Variants in CEP112 observed in about 807,000 individuals in gnomAD.
CEP112 encodes centrosomal protein 112.
CEP112 carries 127 observed loss-of-function variants against 153.0 expected under a neutral mutation model. The ratio of observed to expected loss-of-function variants is 0.83; its 90% CI spans 0.72 to 0.96. CEP112 has a LOEUF of 0.96. Among genes scored for constraint, CEP112 ranks in the 40% least tolerant of loss-of-function variants. The pLI, the probability that CEP112 is intolerant of heterozygous loss-of-function variation, is 0.00. For synonymous variants in CEP112, 358 were observed against 374.4 expected (o/e 0.96, Z 0.51); for missense variants, 1,089 against 1,101.2 (o/e 0.99, Z 0.16).
chr17:65,904,163 T>C (rs566495545), intron 19 of CEP112, among the ~76,000 whole-genome samples: 243 of 152,292 alleles, frequency 1.6e-3, no homozygotes, highest in African/African-American at 5.6e-3. Flanking sequence ...AGTCAAATTG[T>C]CTCTGTTTGC....
intron 18 of CEP112, among the ~76,000 whole-genome samples, chr17:65,932,717 G>T (rs12453121): frequency 0.48 from 72,480 of 151,614 alleles, 18,281 homozygotes; most frequent in East Asian, 0.89. Flanking sequence ...TGCCACACAC[G>T]TTTAACAACC....
Position 65,635,978 on chromosome 17 carries a change from T to C in CEP112, c.2865-4A>G. The C allele has an allele frequency of 6.2e-7, 1 of 1,600,364 alleles. No homozygotes were observed. The highest frequency in any genetic ancestry group is 8.5e-7 in the Non-Finnish European group (1 of 1,171,938). ...TTGCATTCTCTCGTGCAGTTACCTGTAAACCAAAAATCGCAGTCACGACTT... is the reference window on the plus strand; with the variant it reads ...TTGCATTCTCTCGTGCAGTTACCTGCAAACCAAAAATCGCAGTCACGACTT... On this transcript the variant is annotated splice_polypyrimidine_tract_variant and splice_region_variant and intron_variant, in intron 26 of 26. Coordinates refer to ENST00000535342, the MANE Select transcript of CEP112 (RefSeq NM_001199165.4).
chr17:66,123,406 G>A (rs1428778319), intron 6 of CEP112, among the ~76,000 whole-genome samples: 1 of 152,202 alleles, frequency 6.6e-6, no homozygotes, highest in Non-Finnish European at 1.5e-5. Context: ...ACTGGGAATG[G>A]AATTTCTGTG....
At chr17:65,797,816 T>G (rs1464597697) in intron 21 of CEP112, among the ~76,000 whole-genome samples, 3 of 152,214 alleles carry the variant, frequency 2.0e-5, no homozygotes, top group Non-Finnish European at 4.4e-5. Context: ...ACCTCTTCTA[T>G]CCACTTGTGA....
At chr17:65,750,515 T>C (rs1462234546) in intron 22 of CEP112, 147 bp downstream of exon 22, 2 of 639,958 alleles carry the variant, frequency 3.1e-6, no homozygotes, top group African/African-American at 1.8e-5. Context: ...CCATATTGTT[T>C]ATTTGTATAC....
At chr17:65,650,060 T>C (rs1028702275) in intron 24 of CEP112, among the ~76,000 whole-genome samples, 2 of 152,258 alleles carry the variant, frequency 1.3e-5, no homozygotes, top group African/African-American at 4.8e-5. Context: ...GAGAGTCACC[T>C]GGCCTCTGGA....
chr17:66,015,717 G>A (rs546916216), intron 16 of CEP112, among the ~76,000 whole-genome samples: 4 of 152,254 alleles, frequency 2.6e-5, no homozygotes, highest in Admixed American at 1.3e-4. Flanking sequence ...TCTTTGTACT[G>A]TAATTCAAAC....
chr17:65,640,836 C>A, intron 25 of CEP112, 128 bp downstream of exon 25: 1 of 606,466 alleles, frequency 1.6e-6, no homozygotes, highest in African/African-American at 1.9e-5. Flanking sequence ...GAAAATTTAT[C>A]CTGAGTAGTA....
intron 12 of CEP112, among the ~76,000 whole-genome samples, chr17:66,046,243 T>C (rs4531767): frequency 0.65 from 97,947 of 151,802 alleles, 32,545 homozygotes; most frequent in East Asian, 0.96. Context: ...GGGGTTTCAC[T>C]GTATTAGCCA....
At chr17:65,721,503 T>A (rs1454509649) in intron 23 of CEP112, among the ~76,000 whole-genome samples, 1 of 152,196 alleles carries the variant, frequency 6.6e-6, no homozygotes, top group Non-Finnish European at 1.5e-5. Flanking sequence ...TGTGCTGGTA[T>A]CCTTCCAAAA....
chr17:65,705,455 C>T (rs946690046), intron 23 of CEP112, among the ~76,000 whole-genome samples: 4 of 152,116 alleles, frequency 2.6e-5, no homozygotes, highest in South Asian at 2.1e-4. Context: ...TTAGAAGGTA[C>T]AGAGTTGGGT....
chr17:65,846,076 C>T (rs939119499), intron 21 of CEP112, among the ~76,000 whole-genome samples: 1 of 152,200 alleles, frequency 6.6e-6, no homozygotes, highest in Non-Finnish European at 1.5e-5. Flanking sequence ...CTTTGAACCT[C>T]AACTTTATAC....
At chr17:65,805,203 C>A (rs1173418899) in intron 21 of CEP112, among the ~76,000 whole-genome samples, 8 of 152,120 alleles carry the variant, frequency 5.3e-5, no homozygotes, top group African/African-American at 1.4e-4. Flanking sequence ...TTAACATCAT[C>A]ATTTTCATGT....
intron 11 of CEP112, among the ~76,000 whole-genome samples, chr17:66,061,994 T>A (rs1291014259): frequency 6.6e-6 from 1 of 150,940 alleles, no homozygotes; most frequent in African/African-American, 2.4e-5. Context: ...TGAGTTCTCA[T>A]GAGATCCGAT....
intron 6 of CEP112, among the ~76,000 whole-genome samples, chr17:66,111,093 CAT>C (rs1297898588): frequency 2.0e-5 from 3 of 151,960 alleles, no homozygotes; most frequent in Non-Finnish European, 4.4e-5. Context: ...GGCCAACAAG[CAT>C]ACGGAAAAAA....
At chr17:66,070,261 C>T (rs1375119388) in intron 8 of CEP112, among the ~76,000 whole-genome samples, 1 of 152,120 alleles carries the variant, frequency 6.6e-6, no homozygotes. Context: ...AGATTCACTA[C>T]TCTCCCCATT....
intron 20 of CEP112, 138 bp downstream of exon 20, chr17:65,902,014 C>CA (rs201190696): frequency 0.14 from 14,092 of 97,830 alleles, 1,000 homozygotes; most frequent in African/African-American, 0.24. Context: ...GGGAGAAAAA[C>CA]AAAAAAAAAA....
At chr17:66,030,364 T>C (rs1397288970) in intron 12 of CEP112, among the ~76,000 whole-genome samples, 1 of 152,240 alleles carries the variant, frequency 6.6e-6, no homozygotes, top group South Asian at 2.1e-4. Flanking sequence ...TGCCTCTTTA[T>C]ACGTACGGCC....
intron 18 of CEP112, among the ~76,000 whole-genome samples, chr17:65,952,523 A>G (rs975305948): frequency 1.3e-5 from 2 of 152,012 alleles, no homozygotes; most frequent in Admixed American, 6.6e-5. Flanking sequence ...CTTCTGAGGA[A>G]TATTTTGGTT....
Sources: gnomAD v4.1 joint callset for allele counts (sites outside exome capture counted in the v4.1 genomes callset) on GRCh38, gnomAD v4.1.1 for gene constraint, MANE v1.5 for transcripts, NCBI Gene and HGNC (gene_info 2026-07-23, HGNC 2026-07-21) for gene names.